Variants in GLIS3 observed in about 807,000 individuals in gnomAD.
GLIS3 encodes the protein zinc finger protein GLIS3.
Under a neutral mutation model 78.6 loss-of-function variants are expected in GLIS3, and 53 were observed. The ratio of observed to expected loss-of-function variants is 0.67; its 90% CI spans 0.54 to 0.85. The LOEUF (loss-of-function observed/expected upper bound fraction) is 0.85. Ranked by LOEUF, GLIS3 falls within the 40% of genes least tolerant of loss-of-function variation. The pLI, the probability that GLIS3 is intolerant of heterozygous loss-of-function variation, is 0.00. For missense variants in GLIS3, 1,703 were observed against 1,231.1 expected (o/e 1.38, Z -5.74); for synonymous variants, 684 against 509.9 (o/e 1.34, Z -4.60).
At chr9:4,225,344 T>C (rs1821680880) in intron 2 of GLIS3, among the ~76,000 whole-genome samples, 1 of 152,206 alleles carries the variant, frequency 6.6e-6, no homozygotes. Context: ...ATTATACAAT[T>C]ACTCTTTGGT....
At chr9:4,327,853 T>A (rs1817625041) in intron 2 of GLIS3, among the ~76,000 whole-genome samples, 1 of 152,230 alleles carries the variant, frequency 6.6e-6, no homozygotes. Flanking sequence ...AAGGTTGCGA[T>A]CAGTGACCGG....
chr9:3,997,066 G>A (rs1355599447), intron 4 of GLIS3, among the ~76,000 whole-genome samples: 1 of 152,090 alleles, frequency 6.6e-6, no homozygotes, highest in Non-Finnish European at 1.5e-5. Context: ...ATTGAGTTGC[G>A]GCCGGGCGCG....
At chr9:4,205,405 G>A (rs958293330) in intron 2 of GLIS3, among the ~76,000 whole-genome samples, 1 of 152,186 alleles carries the variant, frequency 6.6e-6, no homozygotes, top group African/African-American at 2.4e-5. Context: ...TTGGTTCAGG[G>A]ATAGGCAGGA....
At chr9:4,057,519 A>G (rs527416033) in intron 4 of GLIS3, among the ~76,000 whole-genome samples, 41 of 152,298 alleles carry the variant, frequency 2.7e-4, no homozygotes, top group Non-Finnish European at 5.3e-4. Context: ...TTTCCTGGAA[A>G]AAGCTTGAGT....
chr9:3,919,390 A>T (rs1277794727), intron 6 of GLIS3, among the ~76,000 whole-genome samples: 3 of 152,196 alleles, frequency 2.0e-5, no homozygotes, highest in African/African-American at 7.2e-5. Flanking sequence ...CTCTAAAATG[A>T]AATGTGTTCT....
At chr9:4,114,528 T>C (rs1336365871) in intron 4 of GLIS3, among the ~76,000 whole-genome samples, 1 of 152,206 alleles carries the variant, frequency 6.6e-6, no homozygotes, top group Non-Finnish European at 1.5e-5. Flanking sequence ...AATATTTTGA[T>C]AATTCTGAGA....
chr9:3,839,468 A>G (rs1818582934), intron 9 of GLIS3, among the ~76,000 whole-genome samples: 1 of 152,156 alleles, frequency 6.6e-6, no homozygotes, highest in South Asian at 2.1e-4. Flanking sequence ...ATAAGGAAGG[A>G]AAGGAACTAA....
At chr9:4,101,820 G>A (rs1279005051) in intron 4 of GLIS3, among the ~76,000 whole-genome samples, 1 of 152,134 alleles carries the variant, frequency 6.6e-6, no homozygotes, top group Non-Finnish European at 1.5e-5. Context: ...ATGAGTCACT[G>A]TATCTCATGC....
At chr9:3,971,612 G>A (rs1047350394) in intron 4 of GLIS3, among the ~76,000 whole-genome samples, 1 of 152,144 alleles carries the variant, frequency 6.6e-6, no homozygotes, top group African/African-American at 2.4e-5. Context: ...GCAAAGCTGG[G>A]TCTAAGCACA....
At chr9:4,439,043 G>C in the GLIS3 span, among the ~76,000 whole-genome samples, 2 of 152,024 alleles carry the variant, frequency 1.3e-5, no homozygotes, top group South Asian at 4.2e-4. Context: ...AAATATAATG[G>C]CCAATGTTGG....
At chr9:4,479,167 C>G in the GLIS3 span, among the ~76,000 whole-genome samples, 5 of 152,184 alleles carry the variant, frequency 3.3e-5, no homozygotes, top group Non-Finnish European at 7.3e-5. Context: ...CTTGAGCAGT[C>G]CACCTGCCTC....
chr9:3,967,093 C>T (rs889428558), intron 4 of GLIS3, among the ~76,000 whole-genome samples: 22 of 140,874 alleles, frequency 1.6e-4, no homozygotes, highest in Non-Finnish European at 2.6e-4. Context: ...ACATGCAATT[C>T]TTCTTGGACA....
chr9:4,287,420 T>C (rs571158887), intron 1 of GLIS3, among the ~76,000 whole-genome samples: 308 of 152,310 alleles, frequency 2.0e-3, no homozygotes, highest in African/African-American at 6.8e-3. Context: ...CACGTGATGA[T>C]GCCGGGTTGT....
At chr9:3,880,453 T>C (rs1821649713) in intron 7 of GLIS3, among the ~76,000 whole-genome samples, 1 of 152,244 alleles carries the variant, frequency 6.6e-6, no homozygotes, top group Non-Finnish European at 1.5e-5. Flanking sequence ...TCCGTAGACA[T>C]CTCATTATGC....
At chr9:4,037,358 C>A (rs1038030173) in intron 4 of GLIS3, among the ~76,000 whole-genome samples, 2 of 152,256 alleles carry the variant, frequency 1.3e-5, no homozygotes, top group Admixed American at 1.3e-4. Flanking sequence ...GTTTTCTCAT[C>A]TGTAAAATAG....
intron 2 of GLIS3, among the ~76,000 whole-genome samples, chr9:4,265,353 T>G (rs1204205331): frequency 6.7e-6 from 1 of 149,646 alleles, no homozygotes; most frequent in African/African-American, 2.5e-5. Context: ...TATCGCCTTA[T>G]TTAATTTTTC....
chr9:4,223,874 T>C (rs1487211566), intron 2 of GLIS3, among the ~76,000 whole-genome samples: 1 of 152,176 alleles, frequency 6.6e-6, no homozygotes, highest in East Asian at 1.9e-4. Flanking sequence ...TGTGAAGACC[T>C]GTTCTCTAAT....
intron 2 of GLIS3, among the ~76,000 whole-genome samples, chr9:4,318,597 CAA>C (rs1192837735): frequency 2.0e-5 from 3 of 151,926 alleles, no homozygotes; most frequent in Non-Finnish European, 2.9e-5. Context: ...ACATTGGCAG[CAA>C]AAAGAGTCCA....
upstream of GLIS3, among the ~76,000 whole-genome samples, chr9:4,348,628 G>A (rs951420505): frequency 6.6e-6 from 1 of 152,158 alleles, no homozygotes; most frequent in African/African-American, 2.4e-5. Flanking sequence ...ATGAAAGAAG[G>A]TGGGAACGAA....
Sources: gnomAD v4.1 joint callset for allele counts (sites outside exome capture counted in the v4.1 genomes callset) on GRCh38, gnomAD v4.1.1 for gene constraint, MANE v1.5 for transcripts, NCBI Gene and HGNC (gene_info 2026-07-23, HGNC 2026-07-21) for gene names.